ATP6V1E2: variants seen among roughly 807,000 people sequenced by gnomAD.
ATP6V1E2 encodes V-type proton ATPase subunit E 2.
For missense variants in ATP6V1E2, 308 were observed against 273.3 expected (o/e 1.13, Z -0.90); for synonymous variants, 121 against 104.2 (o/e 1.16, Z -0.98).
chr2:46,526,474 C>T (rs1433664665), intron 4 of ATP6V1E2, among the ~76,000 whole-genome samples: 1 of 152,172 alleles, frequency 6.6e-6, no homozygotes, highest in African/African-American at 2.4e-5. Context: ...CAACTATCAC[C>T]ACCATCTCCA....
At position 46,530,747 on chromosome 2, in the gene ATP6V1E2, T is replaced by C. The variant is rs1398733390; in HGVS notation, c.-102+5066A>G. The stretch of plus-strand genomic sequence containing the variant: ...CATGTCTGGGGAGGCCTTACAATCA[T>C]GGCAGAAAGCAAAGGGGAAGCAAGA... On this transcript the variant is annotated intron_variant, in intron 4 of 4. Coordinates refer to ENST00000522587, the MANE Select transcript of ATP6V1E2 (RefSeq NM_001318063.2). The surrounding 1 kb of genome is among the most constrained non-coding windows in gnomAD (Gnocchi z 5.2). 3.3e-5 allele frequency among the ~76,000 whole-genome samples: 5 copies of C among 152,206 alleles called. No homozygotes were observed. The highest frequency in any genetic ancestry group is 7.2e-5 in the African/African-American group (3 of 41,444).
At chr2:46,516,116 A>T (rs933029922) in intron 4 of ATP6V1E2, among the ~76,000 whole-genome samples, 1 of 152,246 alleles carries the variant, frequency 6.6e-6, no homozygotes, top group Non-Finnish European at 1.5e-5. Flanking sequence ...AATGGAGAGA[A>T]TATCCAGACA....
intron 2 of ATP6V1E2, among the ~76,000 whole-genome samples, chr2:46,539,915 G>C (rs1667643451): frequency 6.6e-6 from 1 of 152,186 alleles, no homozygotes; most frequent in African/African-American, 2.4e-5. Flanking sequence ...GCACAGCACT[G>C]CTCACACTAT....
At chr2:46,528,853 G>C (rs1667052327) in intron 4 of ATP6V1E2, among the ~76,000 whole-genome samples, 1 of 152,234 alleles carries the variant, frequency 6.6e-6, no homozygotes, top group African/African-American at 2.4e-5. Flanking sequence ...AACAAGTTTT[G>C]TAAAGTGAGA....
chr2:46,521,334 C>T (rs147644096), intron 4 of ATP6V1E2, among the ~76,000 whole-genome samples: 54 of 152,244 alleles, frequency 3.5e-4, no homozygotes, highest in African/African-American at 1.1e-3. Context: ...AGGAGGCAGC[C>T]GCAGGGAGTT....
rs902046960 is a variant in ATP6V1E2 at position 46,532,617 on chromosome 2, TA to T, written c.-102+3195del. Among the ~76,000 whole-genome samples, 11 of 152,322 alleles carry T rather than the reference TA, an allele frequency of 7.2e-5. 1 individual carries two copies. Among genetic ancestry groups the T allele is most frequent in the South Asian group, 4.1e-4 (2 of 4,830 alleles). On this transcript the variant is annotated intron_variant, in intron 4 of 4. Transcript: ENST00000522587. ...CTCATGGATGGGATTAGTGCCCTTA[TA>T]AAAGGGCTTAAGAGTTTTTTGTTGT... is the stretch of plus-strand genomic sequence containing the variant.
chr2:46,525,148 G>C (rs1666833725), intron 4 of ATP6V1E2, among the ~76,000 whole-genome samples: 1 of 152,208 alleles, frequency 6.6e-6, no homozygotes. Flanking sequence ...ACACAGAACA[G>C]AGCAGCTCAG....
At chr2:46,538,239 G>C (rs530708741) in intron 2 of ATP6V1E2, among the ~76,000 whole-genome samples, 1 of 152,238 alleles carries the variant, frequency 6.6e-6, no homozygotes, top group East Asian at 1.9e-4. Context: ...ATGAGTCTCA[G>C]AGTGACCTTC....
Position 46,512,379 on chromosome 2 carries a change from G to C in ATP6V1E2, c.333C>G (p.Val111=). 6.2e-7 allele frequency: 1 copy of C among 1,614,136 alleles called. No individual in the cohort carries two copies. Among genetic ancestry groups the C allele is most frequent in the Non-Finnish European group, 8.5e-7 (1 of 1,180,046 alleles). ...RLSRIVEDPE[V]YQGLLDKLVL... ...CCAGTTTATCCAGCAGCCCCTGGTAGACCTCTGGGTCCTCCACAATCCTGC... is the reference window on the plus strand; with the variant it reads ...CCAGTTTATCCAGCAGCCCCTGGTACACCTCTGGGTCCTCCACAATCCTGC... Residue 111 remains valine, a synonymous_variant, in exon 5 of 5, where the codon GTC becomes GTG. Transcript: ENST00000522587.
chr2:46,516,332 T>C (rs574224464), intron 4 of ATP6V1E2, among the ~76,000 whole-genome samples: 2 of 152,360 alleles, frequency 1.3e-5, no homozygotes, highest in South Asian at 4.1e-4. Context: ...CCAGGTATCT[T>C]TTCAACTATA....
chr2:46,536,416 T>C (rs1286047549), intron 3 of ATP6V1E2, among the ~76,000 whole-genome samples, 195 bp downstream of exon 3: 3 of 151,688 alleles, frequency 2.0e-5, no homozygotes, highest in Admixed American at 2.0e-4. Flanking sequence ...CAATGGGAGG[T>C]TTTAGTGGCA....
In ATP6V1E2 at chr2:46,523,267, T is replaced by C. The variant is rs182925668; in HGVS notation, c.-101-10455A>G. On this transcript the variant is annotated intron_variant, in intron 4 of 4. Transcript: ENST00000522587. ...AGATCCCATTTGTGAATTTTGGCTC[T>C]TGTTGCAATTGCTTTTGGCATTTTT... is the stretch of plus-strand genomic sequence containing the variant. Among the ~76,000 whole-genome samples, 1,076 of 152,356 alleles carry C rather than the reference T, an allele frequency of 7.1e-3. 14 individuals are homozygous for C. Among genetic ancestry groups the C allele is most frequent in the South Asian group, 0.044 (211 of 4,830 alleles).
At position 46,528,554 on chromosome 2, in the gene ATP6V1E2, C is replaced by G. The variant is rs113390485; in HGVS notation, c.-102+7259G>C. 7.1e-3 allele frequency among the ~76,000 whole-genome samples: 1,088 copies of G among 152,336 alleles called. 4 individuals carry two copies. Among genetic ancestry groups the G allele is most frequent in the Middle Eastern group, 0.017 (5 of 294 alleles). The stretch of plus-strand genomic sequence containing the variant: ...CTCCTCCAGGGCAGGACTCCCTTCT[C>G]CCGCCTCATGAGGGTGGAAACCAGG... On this transcript the variant is annotated intron_variant, in intron 4 of 4. Transcript: ENST00000522587.
intron 2 of ATP6V1E2, among the ~76,000 whole-genome samples, chr2:46,540,797 A>G (rs1239695996): frequency 6.6e-6 from 1 of 152,014 alleles, no homozygotes; most frequent in African/African-American, 2.4e-5. Flanking sequence ...TCAGCTCCAG[A>G]GCTCTAAGTA....
In ATP6V1E2 at chr2:46,529,207, C is replaced by T. The variant is rs532553345; in HGVS notation, c.-102+6606G>A. Reference sequence around the variant, plus strand: ...CAGCCTTGAGTTACACATTCAGATGCCCAACACTGCTATGATACTGACTTA... The same window carrying T: ...CAGCCTTGAGTTACACATTCAGATGTCCAACACTGCTATGATACTGACTTA... On this transcript the variant is annotated intron_variant, in intron 4 of 4. Coordinates refer to ENST00000522587, the MANE Select transcript of ATP6V1E2 (RefSeq NM_001318063.2). Among the ~76,000 whole-genome samples, 4 of 152,360 alleles carry T rather than the reference C, an allele frequency of 2.6e-5. No homozygotes were observed. The South Asian group carries it at 8.3e-4, about 32-fold the overall frequency.
intron 4 of ATP6V1E2, chr2:46,519,592 T>C (rs1226968122): frequency 6.6e-6 from 1 of 152,256 alleles, no homozygotes; most frequent in East Asian, 1.9e-4. Context: ...GCACTTACCA[T>C]TTGTACGACT....
chr2:46,529,722 C>T (rs1667092869), intron 4 of ATP6V1E2, among the ~76,000 whole-genome samples: 1 of 152,132 alleles, frequency 6.6e-6, no homozygotes, highest in Non-Finnish European at 1.5e-5. Context: ...TGCCACTGCA[C>T]TCCAGCCTGG....
intron 4 of ATP6V1E2, chr2:46,519,292 A>C (rs1252656458): frequency 1.3e-5 from 2 of 152,196 alleles, no homozygotes; most frequent in East Asian, 3.8e-4. Context: ...CAGTTTGCTA[A>C]TTTACTAATG....
chr2:46,537,013 C>A (rs1667477921), intron 2 of ATP6V1E2, among the ~76,000 whole-genome samples: 1 of 152,128 alleles, frequency 6.6e-6, no homozygotes, highest in Non-Finnish European at 1.5e-5. Flanking sequence ...AAACTCCTGA[C>A]CTCAACTGAT....
Sources: gnomAD v4.1 joint callset for allele counts (sites outside exome capture counted in the v4.1 genomes callset) on GRCh38, gnomAD v4.1.1 for gene constraint, Gnocchi (gnomAD v3.1) non-coding constraint, MANE v1.5 for transcripts, NCBI Gene and HGNC (gene_info 2026-07-23, HGNC 2026-07-21) for gene names.